Variants in KRT9 observed in about 807,000 individuals in gnomAD.
The protein encoded by KRT9 is keratin, type I cytoskeletal 9.
Under a neutral mutation model 51.4 loss-of-function variants are expected in KRT9, and 34 were observed. The ratio of observed to expected loss-of-function variants is 0.66; its 90% CI spans 0.50 to 0.88. KRT9 has a LOEUF of 0.88. Ranked by LOEUF, KRT9 falls within the 40% of genes least tolerant of loss-of-function variation. The pLI, the probability that KRT9 is intolerant of heterozygous loss-of-function variation, is 0.00. For missense variants in KRT9, 753 were observed against 790.3 expected (o/e 0.95, Z 0.57); for synonymous variants, 292 against 289.7 (o/e 1.01, Z -0.08).
intron 1 of KRT9, among the ~76,000 whole-genome samples, chr17:41,570,733 T>G (rs1907053977): frequency 6.6e-6 from 1 of 152,166 alleles, no homozygotes; most frequent in Non-Finnish European, 1.5e-5. Context: ...CTGAGAATAC[T>G]GAAGAGCCAG....
chr17:41,571,527 T>C lies in KRT9; in HGVS notation c.466A>G (p.Thr156Ala). 1.2e-6 allele frequency: 2 copies of C among 1,613,814 alleles called. No individual in the cohort carries two copies. The highest frequency in any genetic ancestry group is 1.6e-4 in the Middle Eastern group (1 of 6,062). The change falls in exon 1 of 8, where the codon ACC (threonine) becomes GCC (alanine). Residue 156 changes from threonine (T) to alanine (A), a missense_variant. Physicochemically the swap from Thr to Ala is moderately conservative, Grantham distance 58 (BLOSUM62 0). Transcript: ENST00000246662. Reference protein sequence around the residue: ...GGILTANEKSTMQELNSRLAS... With the variant: ...GGILTANEKSAMQELNSRLAS... Reference sequence around the variant, plus strand: ...AGCCGAGAATTGAGTTCCTGCATGGTGCTCTTCTCATTAGCAGTCAGAATA... The same window carrying C: ...AGCCGAGAATTGAGTTCCTGCATGGCGCTCTTCTCATTAGCAGTCAGAATA...
chr17:41,571,022 C>T (rs180802100), intron 1 of KRT9, among the ~76,000 whole-genome samples: 100 of 152,276 alleles, frequency 6.6e-4, no homozygotes, highest in African/African-American at 2.1e-3. Flanking sequence ...AGGAGAAGTA[C>T]AAAGGAAGAG....
intron 2 of KRT9, 34 bp from the exon 3 acceptor site, chr17:41,570,049 A>G: frequency 6.2e-7 from 1 of 1,614,176 alleles, no homozygotes; most frequent in Non-Finnish European, 8.5e-7. Context: ...AACAATCAAG[A>G]GGGAACCAGG....
At chr17:41,570,542 G>T (rs1907047468) in intron 1 of KRT9, among the ~76,000 whole-genome samples, 1 of 152,224 alleles carries the variant, frequency 6.6e-6, no homozygotes. Flanking sequence ...AGAGTTCAAG[G>T]AAAGGAGAGG....
chr17:41,569,975 C>T lies in KRT9; in HGVS notation c.766G>A (p.Asp256Asn). The change falls in exon 3 of 8, where the codon GAC becomes AAC. Residue 256 changes from aspartate to asparagine, a missense_variant. Coordinates refer to ENST00000246662, the MANE Select transcript of KRT9 (RefSeq NM_000226.4). ...EQNLRQGVDA[D>N]INGLRQVLDN... ...AGCACCTGCCGCAGGCCATTGATGT[C>T]AGCATCCACTCCTTGCCGCAGGTTT... 6.2e-7 allele frequency: 1 copy of T among 1,614,198 alleles called. No homozygotes were observed. The highest frequency in any genetic ancestry group is 8.5e-7 in the Non-Finnish European group (1 of 1,180,036).
Position 41,567,245 on chromosome 17 carries a change from C to T in KRT9, c.*28G>A, listed in dbSNP as rs745693301. On this transcript the variant is annotated 3_prime_UTR_variant, in exon 7 of 8. Coordinates refer to ENST00000246662, the MANE Select transcript of KRT9 (RefSeq NM_000226.4). ...GATTGTCCCTTACCTTTTGTCTCATCTTGGTCACCAGATTTTGAGGAAGAA... is the reference window on the plus strand; with the variant it reads ...GATTGTCCCTTACCTTTTGTCTCATTTTGGTCACCAGATTTTGAGGAAGAA... The T allele has an allele frequency of 6.2e-7, 1 of 1,614,012 alleles. No homozygotes were observed. Among genetic ancestry groups the T allele is most frequent in the Admixed American group, 1.7e-5 (1 of 60,022 alleles).
chr17:41,568,275 C>A lies in KRT9; in HGVS notation c.1281G>T (p.Arg427=), dbSNP rs542565154. The A allele has an allele frequency of 1.2e-6, 2 of 1,614,148 alleles. No individual in the cohort carries two copies. The highest frequency in any genetic ancestry group is 1.1e-5 in the South Asian group (1 of 91,082). ...SNLEAQITDV[R]QEIECQNQEY... is the part of the protein sequence containing the mutation. Reference sequence around the variant, plus strand: ...CCTGATTCTGGCACTCGATCTCTTGCCGGACGTCAGTGATCTGGGCCTCCA... The same window carrying A: ...CCTGATTCTGGCACTCGATCTCTTGACGGACGTCAGTGATCTGGGCCTCCA... The change falls in exon 6 of 8, where the codon CGG becomes CGT. Residue 427 remains arginine (R), a synonymous_variant. Transcript: ENST00000246662.
chr17:41,568,241 G>A lies in KRT9; in HGVS notation c.1315C>T (p.Leu439Phe), dbSNP rs761629042. The change falls in exon 6 of 8, where the codon CTT (leucine) becomes TTT (phenylalanine). Residue 439 changes from leucine (L) to phenylalanine (F), a missense_variant. Around this residue, in one of 3 missense-constraint regions of KRT9, gnomAD observed 507 missense variants for 563.7 expected, o/e 0.90. Transcript: ENST00000246662. ...AGCCGCATCTTAATGCTGAGCAGAA[G>A]GCTGTATTCCTGATTCTGGCACTCG... Reference protein sequence around the residue: ...EIECQNQEYSLLLSIKMRLEK... With the variant: ...EIECQNQEYSFLLSIKMRLEK... The A allele has an allele frequency of 5.6e-6, 9 of 1,614,164 alleles. No individual in the cohort carries two copies. Among genetic ancestry groups the A allele is most frequent in the Non-Finnish European group, 7.6e-6 (9 of 1,180,020 alleles).
Position 41,568,911 on chromosome 17 carries a change from TAC to T in KRT9, c.1045-280_1045-279del, listed in dbSNP as rs5820419. Among the ~76,000 whole-genome samples the T allele has an allele frequency of 0.28, 37,105 of 133,362 alleles. 4,865 individuals are homozygous for T. The highest frequency in any genetic ancestry group is 0.31 in the Non-Finnish European group (19,318 of 62,498). The allele number at this position is 133,362 out of a possible 152,430, so 87.5% of individuals were successfully genotyped here. ...CCAAACTTCCCCCACCTTTCAAACA[TAC>T]ACACACACACACACACACACACACA... is the stretch of plus-strand genomic sequence containing the variant. On this transcript the variant is annotated intron_variant, in intron 4 of 7. Transcript: ENST00000246662.
Position 41,566,138 on chromosome 17 carries a change from A to G in KRT9, c.*55T>C. 6.5e-6 allele frequency: 1 copy of G among 152,868 alleles called. No homozygotes were observed. 9.5% of individuals were successfully genotyped at this position (152,868 alleles called of 1,614,324 possible). ...AGGAGAAGTTTACAGAGGCTCTAGTATCGCGAAAGGAAGCCTGTGGAGAGA... is the reference window on the plus strand; with the variant it reads ...AGGAGAAGTTTACAGAGGCTCTAGTGTCGCGAAAGGAAGCCTGTGGAGAGA... On this transcript the variant is annotated 3_prime_UTR_variant, in exon 8 of 8. Transcript: ENST00000246662.
intron 1 of KRT9, 124 bp from the exon 2 acceptor site, chr17:41,570,344 C>T (rs368632107): frequency 4.2e-5 from 35 of 834,352 alleles, no homozygotes; most frequent in Non-Finnish European, 5.9e-5. Context: ...GAATGAGGAA[C>T]TTCCAACAGC....
Position 41,567,745 on chromosome 17 carries a change from G to A in KRT9, c.1400C>T (p.Ser467Phe), listed in dbSNP as rs140000246. 8.4e-5 allele frequency: 136 copies of A among 1,614,056 alleles called. No individual in the cohort carries two copies. Among genetic ancestry groups the A allele is most frequent in the Non-Finnish European group, 1.1e-4 (130 of 1,180,044 alleles). The change falls in exon 7 of 8, where the codon TCC (serine) becomes TTC (phenylalanine). Residue 467 changes from serine (S) to phenylalanine (F), a missense_variant. This residue lies in a region of KRT9 where 507 missense variants were observed against 563.7 expected (regional missense o/e 0.90). Transcript: ENST00000246662. Reference sequence around the variant, plus strand: ...AAGGCCAATTTTTCCAGCTCCGGAGGATTCACTAAGAAAGAAAGAAAACAA... The same window carrying A: ...AAGGCCAATTTTTCCAGCTCCGGAGAATTCACTAAGAAAGAAAGAAAACAA... The part of the protein sequence containing the change: ...LLEGGQEDFE[S>F]SGAGKIGLGG...
chr17:41,567,496 T>C lies in KRT9; in HGVS notation c.1649A>G (p.His550Arg). The C allele has an allele frequency of 2.6e-6, 4 of 1,543,842 alleles. No individual in the cohort carries two copies. The highest frequency in any genetic ancestry group is 3.5e-6 in the Non-Finnish European group (4 of 1,145,816). Residue 550 changes from histidine to arginine, a missense_variant, in exon 7 of 8, where the codon CAT becomes CGT. Transcript: ENST00000246662. ...GGHSGGSGGG[H>R]SGGSGGNYGG... ...ATAGTTGCCCCCACTTCCTCCACTA[T>C]GACCACCTCCACTTCCTCCGCTATG...
In KRT9 at chr17:41,567,503, C is replaced by A. The variant is rs554741165; in HGVS notation, c.1642G>T (p.Gly548Cys). The change falls in exon 7 of 8, where the codon GGT (glycine) becomes TGT (cysteine). Residue 548 changes from glycine (G) to cysteine (C), a missense_variant. This residue lies in a region of KRT9 where 507 missense variants were observed against 563.7 expected (regional missense o/e 0.90). Coordinates refer to ENST00000246662, the MANE Select transcript of KRT9 (RefSeq NM_000226.4). ...CCCCCACTTCCTCCACTATGACCAC[C>A]TCCACTTCCTCCGCTATGGCCACCT... The part of the protein sequence containing the change: ...SGGGHSGGSG[G>C]GHSGGSGGNY... 6.4e-7 allele frequency: 1 copy of A among 1,550,970 alleles called. No homozygotes were observed. Among genetic ancestry groups the A allele is most frequent in the South Asian group, 1.2e-5 (1 of 84,044 alleles).
At chr17:41,569,680 G>C in intron 3 of KRT9, 93 bp from the exon 4 acceptor site, 1 of 1,557,162 alleles carries the variant, frequency 6.4e-7, no homozygotes, top group Non-Finnish European at 8.8e-7. Flanking sequence ...GTACAAAAAG[G>C]GGACACAGTT....
chr17:41,569,338 TAGG>T, intron 4 of KRT9, 85 bp downstream of exon 4: 1 of 1,281,262 alleles, frequency 7.8e-7, no homozygotes, highest in Non-Finnish European at 1.1e-6. Flanking sequence ...GATGCAGAGA[TAGG>T]AGGATGAAGG....
rs1906897988 is a variant in KRT9 at position 41,567,219 on chromosome 17, G to A, written c.*40+14C>T. ...CCTTGACTCTCCACCCCACAACCTA[G>A]GATTGTCCCTTACCTTTTGTCTCAT... On this transcript the variant is annotated intron_variant, in intron 7 of 7. Transcript: ENST00000246662. 3.1e-6 allele frequency: 5 copies of A among 1,612,276 alleles called. No homozygotes were observed. The highest frequency in any genetic ancestry group is 4.2e-6 in the Non-Finnish European group (5 of 1,179,756).
rs998346829 is a variant in KRT9, at chr17:41,569,346, T to G, written c.1044+80A>C. 2.9e-6 allele frequency: 4 copies of G among 1,368,928 alleles called. No homozygotes were observed. In the South Asian group the frequency reaches 3.7e-5, roughly 13 times the overall value. The allele number at this position is 1,368,928 out of a possible 1,614,324, so 84.8% of individuals were successfully genotyped here. ...ACTGAGAGATGCAGAGATAGGAGGA[T>G]GAAGGAATGGGAGGTGGGAGGGATG... On this transcript the variant is annotated intron_variant, in intron 4 of 7. Transcript: ENST00000246662.
At chr17:41,570,354 C>CT in intron 1 of KRT9, 134 bp from the exon 2 acceptor site, 1 of 800,228 alleles carries the variant, frequency 1.2e-6, no homozygotes, top group South Asian at 1.4e-5. Flanking sequence ...CTTCCAACAG[C>CT]TGGGACATGG....
Sources: allele counts gnomAD v4.1 joint callset (sites outside exome capture counted in the v4.1 genomes callset), GRCh38; gene constraint gnomAD v4.1.1; regional missense constraint gnomAD v4.1.1; transcripts MANE v1.5; gene names NCBI Gene and HGNC (gene_info 2026-07-23, HGNC 2026-07-21).